VGLL4: variants seen among roughly 807,000 people sequenced by gnomAD.
The protein encoded by VGLL4 is transcription cofactor vestigial-like protein 4.
Under a neutral mutation model 21.0 loss-of-function variants are expected in VGLL4, and 7 were observed. The observed-to-expected ratio is 0.33, with a 90% CI of 0.19 to 0.63. The LOEUF (loss-of-function observed/expected upper bound fraction) is 0.63, where lower values mean the gene tolerates loss of function less well. Among genes scored for constraint, VGLL4 ranks in the 20% least tolerant of loss-of-function variants. The pLI, the probability that VGLL4 is intolerant of heterozygous loss-of-function variation, is 0.78. For synonymous variants in VGLL4, 222 were observed against 173.2 expected, an observed-to-expected ratio of 1.28 and a Z score of -2.21; for missense variants, 394 against 425.7, an observed-to-expected ratio of 0.93 and a Z score of 0.66.
chr3:11,564,392 G>T (rs751975934), intron 3 of VGLL4, among the ~76,000 whole-genome samples: 16 of 110,078 alleles, frequency 1.5e-4, no homozygotes, highest in Non-Finnish European at 3.0e-4. Context: ...ACCGTCTAAA[G>T]GAGAAACGTA....
chr3:11,708,584 T>C (rs2076794527), intron 1 of VGLL4, among the ~76,000 whole-genome samples: 1 of 152,070 alleles, frequency 6.6e-6, no homozygotes, highest in African/African-American at 2.4e-5. Context: ...TGAAAAGTCC[T>C]GGAATGGCCC....
intron 2 of VGLL4, among the ~76,000 whole-genome samples, chr3:11,689,821 C>G (rs2076501617): frequency 6.6e-6 from 1 of 152,206 alleles, no homozygotes; most frequent in African/African-American, 2.4e-5. Flanking sequence ...TTAAGGTATA[C>G]AAGTAAACAA....
chr3:11,707,787 A>T (rs2076783542), intron 1 of VGLL4, among the ~76,000 whole-genome samples: 1 of 151,846 alleles, frequency 6.6e-6, no homozygotes. Flanking sequence ...TGAAGCCAGG[A>T]GGTCGATGCT....
intron 1 of VGLL4, among the ~76,000 whole-genome samples, chr3:11,628,219 T>C (rs999925649): frequency 1.3e-5 from 2 of 151,730 alleles, no homozygotes; most frequent in African/African-American, 4.8e-5. Context: ...AGAAACCCCA[T>C]CTCTACTAAA....
At chr3:11,561,189 G>A (rs373055752) in intron 3 of VGLL4, among the ~76,000 whole-genome samples, 8 of 152,236 alleles carry the variant, frequency 5.3e-5, no homozygotes, top group South Asian at 2.1e-4. Flanking sequence ...TCTTTGCAGC[G>A]AGCGTGTCCT....
chr3:11,581,349 G>A (rs1349296667), intron 2 of VGLL4, among the ~76,000 whole-genome samples: 5 of 152,126 alleles, frequency 3.3e-5, no homozygotes, highest in Admixed American at 2.6e-4. Context: ...TTACAGACGT[G>A]AGCCACCGTG....
At chr3:11,657,671 T>C (rs2075977062) in intron 2 of VGLL4, among the ~76,000 whole-genome samples, 1 of 152,158 alleles carries the variant, frequency 6.6e-6, no homozygotes, top group Non-Finnish European at 1.5e-5. Context: ...TCTAGGTGAG[T>C]CTGGCTACTA....
At chr3:11,689,952 T>C (rs2076503333) in intron 2 of VGLL4, among the ~76,000 whole-genome samples, 1 of 152,194 alleles carries the variant, frequency 6.6e-6, no homozygotes, top group Non-Finnish European at 1.5e-5. Flanking sequence ...AGGACCCCTG[T>C]TACTGCAGGA....
intron 4 of VGLL4, 99 bp from the exon 5 acceptor site, chr3:11,558,926 G>T: frequency 7.1e-7 from 1 of 1,417,084 alleles, no homozygotes; most frequent in Non-Finnish European, 9.6e-7. Context: ...AGCCGGACTG[G>T]CTGCCACGGT....
rs559763250 is a variant in VGLL4 at position 11,582,395 on chromosome 3, C to T, written c.273-17376G>A. 1.3e-5 allele frequency: 20 copies of T among 1,550,634 alleles called. No individual in the cohort carries two copies. The African/African-American group carries it at 1.8e-4, about 14-fold the overall frequency. ...AGTCTCAGGCACAAAACTGGATGGGCGGGCGCTTGTCAGAATAAAAGTCCT... is the reference window on the plus strand; with the variant it reads ...AGTCTCAGGCACAAAACTGGATGGGTGGGCGCTTGTCAGAATAAAAGTCCT... On this transcript the variant is annotated intron_variant, in intron 2 of 4. Coordinates refer to ENST00000430365, the MANE Select transcript of VGLL4 (RefSeq NM_001128219.3).
intron 2 of VGLL4, among the ~76,000 whole-genome samples, chr3:11,591,588 C>T (rs2074497623): frequency 6.6e-6 from 1 of 152,228 alleles, no homozygotes; most frequent in African/African-American, 2.4e-5. Context: ...ATAAGGAGGC[C>T]TTTGTTTTCA....
chr3:11,701,007 G>A (rs1326848129), intron 2 of VGLL4, among the ~76,000 whole-genome samples: 2 of 152,066 alleles, frequency 1.3e-5, no homozygotes, highest in Non-Finnish European at 2.9e-5. Flanking sequence ...GATACCTCAC[G>A]CAATCACTGG....
intron 1 of VGLL4, among the ~76,000 whole-genome samples, chr3:11,630,372 T>A (rs1281311790): frequency 1.3e-5 from 2 of 152,142 alleles, no homozygotes; most frequent in African/African-American, 4.8e-5. Flanking sequence ...TGGCCGGGCG[T>A]GGTGGCTCAC....
intron 2 of VGLL4, among the ~76,000 whole-genome samples, chr3:11,600,181 T>C (rs1451351637): frequency 1.3e-5 from 2 of 152,158 alleles, no homozygotes; most frequent in Non-Finnish European, 2.9e-5. Context: ...AATAGCTCTA[T>C]ACATTAACTA....
At chr3:11,656,393 T>C (rs2075959353) in intron 2 of VGLL4, among the ~76,000 whole-genome samples, 2 of 152,154 alleles carry the variant, frequency 1.3e-5, no homozygotes, top group African/African-American at 2.4e-5. Context: ...CGGTGACATA[T>C]AAGGCCCCCG....
rs886614682 is a variant in VGLL4, at chr3:11,559,384, C to A, written c.567G>T (p.Ala189=). The A allele has an allele frequency of 6.4e-7, 1 of 1,556,468 alleles. No individual in the cohort carries two copies. Among genetic ancestry groups the A allele is most frequent in the African/African-American group, 1.4e-5 (1 of 73,610 alleles). ...GCCCGGGCGCGGCACAGCCGCTGTG[C>A]GCGATGGGGCAGTGCGAGAGGTTGC... is the stretch of plus-strand genomic sequence containing the variant. ...RNCNLSHCPI[A]HSGCAAPGPA... The change falls in exon 4 of 5, where the codon GCG becomes GCT. Residue 189 remains alanine, a synonymous_variant. Transcript: ENST00000430365.
intron 3 of VGLL4, 32 bp downstream of exon 3, chr3:11,564,765 T>G: frequency 6.5e-7 from 1 of 1,527,842 alleles, no homozygotes; most frequent in East Asian, 2.5e-5. Flanking sequence ...GCCCCTGGAC[T>G]CCCCACGCCA....
At chr3:11,589,547 T>C (rs2074435998) in intron 2 of VGLL4, among the ~76,000 whole-genome samples, 1 of 152,192 alleles carries the variant, frequency 6.6e-6, no homozygotes, top group Non-Finnish European at 1.5e-5. Context: ...GCAATATTTA[T>C]GGGGCAAGTA....
chr3:11,643,072 T>C (rs937748577), intron 1 of VGLL4, among the ~76,000 whole-genome samples: 2 of 151,922 alleles, frequency 1.3e-5, no homozygotes, highest in Admixed American at 1.3e-4. Flanking sequence ...TACCAGCCCC[T>C]CCCCCAAAGA....
Sources: allele counts gnomAD v4.1 joint callset (sites outside exome capture counted in the v4.1 genomes callset), GRCh38; gene constraint gnomAD v4.1.1; transcripts MANE v1.5; gene names NCBI Gene and HGNC (gene_info 2026-07-23, HGNC 2026-07-21).